Variants in IL1RAP observed in about 807,000 individuals in gnomAD.
The protein encoded by IL1RAP is interleukin 1 receptor accessory protein.
Under a neutral mutation model 60.7 loss-of-function variants are expected in IL1RAP, and 35 were observed. The observed-to-expected ratio is 0.58, with a 90% CI of 0.44 to 0.76. The LOEUF (loss-of-function observed/expected upper bound fraction) is 0.76, where lower values mean the gene tolerates loss of function less well. Among genes scored for constraint, IL1RAP ranks in the 30% least tolerant of loss-of-function variants. The pLI, the probability that IL1RAP is intolerant of heterozygous loss-of-function variation, is 0.00. For missense variants in IL1RAP, 572 were observed against 693.9 expected (o/e 0.82, Z 1.97); for synonymous variants, 268 against 250.9 (o/e 1.07, Z -0.64).
chr3:190,559,795 T>C (rs1029165082), intron 2 of IL1RAP, among the ~76,000 whole-genome samples: 1 of 152,214 alleles, frequency 6.6e-6, no homozygotes, highest in African/African-American at 2.4e-5. Flanking sequence ...TGATACGGTG[T>C]ATCTGGTGAA....
intron 9 of IL1RAP, among the ~76,000 whole-genome samples, chr3:190,642,657 A>G (rs1200902228): frequency 6.6e-6 from 1 of 152,088 alleles, no homozygotes; most frequent in African/African-American, 2.4e-5. Flanking sequence ...CACCTCTATC[A>G]CATTACCATG....
intron 4 of IL1RAP, 125 bp downstream of exon 4, chr3:190,604,538 T>G (rs182376788): frequency 7.4e-5 from 75 of 1,009,828 alleles, no homozygotes; most frequent in Non-Finnish European, 1.0e-4. Flanking sequence ...AGTGAGGTAA[T>G]TGTCTGCAGC....
chr3:190,533,220 A>C (rs1382159432), intron 1 of IL1RAP, among the ~76,000 whole-genome samples: 2 of 152,216 alleles, frequency 1.3e-5, no homozygotes, highest in Non-Finnish European at 1.5e-5. Context: ...CCAGCTCAAC[A>C]TAAAGAGACA....
intron 1 of IL1RAP, among the ~76,000 whole-genome samples, chr3:190,525,844 A>G (rs574015437): frequency 6.6e-6 from 1 of 152,328 alleles, no homozygotes; most frequent in African/African-American, 2.4e-5. Flanking sequence ...GCTCAATTCA[A>G]TTCAGCTGGA....
At chr3:190,545,212 G>A (rs1191649541) in intron 1 of IL1RAP, among the ~76,000 whole-genome samples, 34 of 152,178 alleles carry the variant, frequency 2.2e-4, no homozygotes, top group Admixed American at 2.2e-3. Flanking sequence ...AATTTCAGCT[G>A]TAGAATGCCG....
chr3:190,605,453 A>G (rs917703110), intron 4 of IL1RAP, among the ~76,000 whole-genome samples: 1 of 152,178 alleles, frequency 6.6e-6, no homozygotes. Flanking sequence ...GTCACTTTTT[A>G]GCTGCCAGGC....
chr3:190,628,735 C>T (rs1404200996), intron 8 of IL1RAP, among the ~76,000 whole-genome samples: 4 of 152,182 alleles, frequency 2.6e-5, no homozygotes, highest in African/African-American at 4.8e-5. Context: ...TAGCTGTGTT[C>T]AGAATCCATG....
chr3:190,520,323 A>C (rs1197676667), intron 1 of IL1RAP, among the ~76,000 whole-genome samples: 1 of 152,206 alleles, frequency 6.6e-6, no homozygotes, highest in African/African-American at 2.4e-5. Flanking sequence ...CTTTATCAAT[A>C]GTATTAGTTG....
chr3:190,648,680 C>T lies in IL1RAP; in HGVS notation c.1688C>T (p.Ser563Leu), dbSNP rs1287359211. 8.1e-6 allele frequency: 13 copies of T among 1,610,412 alleles called. No individual in the cohort carries two copies. The Admixed American group carries it at 1.0e-4, about 13-fold the overall frequency. Residue 563 changes from serine to leucine, a missense_variant, in exon 12 of 12, where the codon TCG becomes TTG. Transcript: ENST00000447382. ...TCTAGCAGTGATGAGCAGGGCCTCT[C>T]GTATTCATCTTTGAAAAATGTATGA... The part of the protein sequence containing the change: ...RRSSSDEQGL[S>L]YSSLKNV
At chr3:190,579,016 A>T (rs1415286093) in intron 3 of IL1RAP, among the ~76,000 whole-genome samples, 1 of 152,228 alleles carries the variant, frequency 6.6e-6, no homozygotes, top group Non-Finnish European at 1.5e-5. Flanking sequence ...TCAGATACTT[A>T]GCCCTAAACC....
Position 190,617,950 on chromosome 3 carries a change from GTTTC to G in IL1RAP, c.538-2320_538-2317del, listed in dbSNP as rs1731421943. On this transcript the variant is annotated intron_variant, in intron 5 of 11. Coordinates refer to ENST00000447382, the MANE Select transcript of IL1RAP (RefSeq NM_002182.4). ...AATAGCTTTGAAACAGCTATAAAAA[GTTTC>G]TTTCATCACATTCTTAAGGAAATAC... 2.6e-5 allele frequency among the ~76,000 whole-genome samples: 4 copies of G among 152,238 alleles called. No homozygotes were observed. The South Asian group carries it at 8.3e-4, about 32-fold the overall frequency.
rs149257095 is a variant in IL1RAP at position 190,639,158 on chromosome 3, A to G, written c.1052-5090A>G. ...TTAAACTTCTCAGTTCTATGTGTTT[A>G]TATTTTTCCTTTACTGTGAACAATT... On this transcript the variant is annotated intron_variant, in intron 9 of 11. Transcript: ENST00000447382. 2.1e-3 allele frequency among the ~76,000 whole-genome samples: 323 copies of G among 152,112 alleles called. 5 individuals carry two copies. The highest frequency in any genetic ancestry group is 0.016 in the Admixed American group (251 of 15,276).
chr3:190,641,696 A>G (rs1258093133), intron 9 of IL1RAP, among the ~76,000 whole-genome samples: 3 of 152,242 alleles, frequency 2.0e-5, no homozygotes, highest in Admixed American at 1.3e-4. Flanking sequence ...ACAAAAATCC[A>G]TTTCAGGTAC....
chr3:190,628,774 A>G (rs1169398631), intron 8 of IL1RAP, among the ~76,000 whole-genome samples: 1 of 152,234 alleles, frequency 6.6e-6, no homozygotes, highest in Non-Finnish European at 1.5e-5. Context: ...TGCATCAGCT[A>G]TTCCTATGGG....
At chr3:190,564,494 A>G (rs2108628256) in intron 3 of IL1RAP, 141 bp downstream of exon 3, 2 of 660,412 alleles carry the variant, frequency 3.0e-6, no homozygotes, top group Non-Finnish European at 5.5e-6. Context: ...ATCATAAAGC[A>G]GAATAATAGA....
At chr3:190,544,291 T>G (rs1724190495) in intron 1 of IL1RAP, among the ~76,000 whole-genome samples, 1 of 152,178 alleles carries the variant, frequency 6.6e-6, no homozygotes. Context: ...GCAACAGTCT[T>G]TAAGAATCCA....
chr3:190,639,690 T>C (rs1042693348), intron 9 of IL1RAP, among the ~76,000 whole-genome samples: 2 of 152,228 alleles, frequency 1.3e-5, no homozygotes. Flanking sequence ...ATATTATGGA[T>C]GTTACAATTT....
intron 1 of IL1RAP, among the ~76,000 whole-genome samples, chr3:190,524,433 A>G (rs1722337261): frequency 6.6e-6 from 1 of 152,074 alleles, no homozygotes; most frequent in Non-Finnish European, 1.5e-5. Context: ...GCCCATTCCT[A>G]TGTCCAGAAT....
intron 1 of IL1RAP, among the ~76,000 whole-genome samples, chr3:190,514,844 G>A (rs1721369928): frequency 6.6e-6 from 1 of 152,208 alleles, no homozygotes; most frequent in South Asian, 2.1e-4. Context: ...CGGAGGAAGC[G>A]GAGCTAGTGG....
Sources: gnomAD v4.1 joint callset for allele counts (sites outside exome capture counted in the v4.1 genomes callset) on GRCh38, gnomAD v4.1.1 for gene constraint, MANE v1.5 for transcripts, NCBI Gene and HGNC (gene_info 2026-07-23, HGNC 2026-07-21) for gene names.